The following MTREX variants were observed in gnomAD, a reference collection of about 807,000 sequenced individuals.
The protein encoded by MTREX is exosome RNA helicase MTR4.
A neutral mutation model predicts 135.4 loss-of-function variants in MTREX; 76 were observed. The observed-to-expected ratio is 0.56, with a 90% CI of 0.47 to 0.68. The LOEUF (loss-of-function observed/expected upper bound fraction) is 0.68. MTREX is among the 30% of genes least tolerant of loss of function. The probability of loss-of-function intolerance (pLI) is 0.00; values close to 1 mark genes in which losing one functional copy is unlikely to be tolerated. For synonymous variants in MTREX, 404 were observed against 401.6 expected, an observed-to-expected ratio of 1.01 and a Z score of -0.07; for missense variants, 920 against 1,262.1, an observed-to-expected ratio of 0.73 and a Z score of 4.11.
rs1750959539 is a variant in MTREX, at chr5:55,415,953, C to T, written c.2809-17C>T. On this transcript the variant is annotated splice_polypyrimidine_tract_variant and intron_variant, in intron 24 of 26. Transcript: ENST00000230640. ...GGAGATCATAAGTAAGGAATTTTAA[C>T]TCTTTTATCTTTAAAGGAATGTGCT... is the stretch of plus-strand genomic sequence containing the variant. 1 of 1,553,226 alleles carries T rather than the reference C, an allele frequency of 6.4e-7. No individual in the cohort carries two copies. Among genetic ancestry groups the T allele is most frequent in the Non-Finnish European group, 8.7e-7 (1 of 1,152,172 alleles).
chr5:55,409,369 G>A (rs1305710855), intron 22 of MTREX, among the ~76,000 whole-genome samples: 2 of 152,082 alleles, frequency 1.3e-5, no homozygotes, highest in African/African-American at 4.8e-5. Flanking sequence ...AAAAGGACTT[G>A]TAATAATAGT....
At chr5:55,382,560 T>C (rs967409403) in intron 18 of MTREX, among the ~76,000 whole-genome samples, 3 of 152,222 alleles carry the variant, frequency 2.0e-5, no homozygotes, top group Non-Finnish European at 4.4e-5. Flanking sequence ...TTATGATTAA[T>C]ACTTTATGTA....
At chr5:55,327,610 A>T in intron 3 of MTREX, 106 bp from the exon 4 acceptor site, 1 of 826,522 alleles carries the variant, frequency 1.2e-6, no homozygotes, top group South Asian at 1.5e-5. Context: ...TCATCACTCT[A>T]GTTCATCAGT....
chr5:55,330,887 GTTTA>G (rs1477571488), intron 5 of MTREX, among the ~76,000 whole-genome samples: 1 of 151,618 alleles, frequency 6.6e-6, no homozygotes, highest in Non-Finnish European at 1.5e-5. Flanking sequence ...TATTTTTGGT[GTTTA>G]TTCTGTTTCA....
At chr5:55,341,345 G>A (rs1285850445) in intron 6 of MTREX, among the ~76,000 whole-genome samples, 2 of 152,164 alleles carry the variant, frequency 1.3e-5, no homozygotes, top group Non-Finnish European at 2.9e-5. Flanking sequence ...GGACGGTGCT[G>A]TGTATAGAAG....
chr5:55,397,451 C>T lies in MTREX; in HGVS notation c.2217C>T (p.Ile739=), dbSNP rs1228390204. The change falls in exon 20 of 27, where the codon ATC becomes ATT. Residue 739 remains isoleucine (I), a synonymous_variant. Transcript: ENST00000230640. ...TTTTGGTGCATCTCCTGTCTGCTAT[C>T]AGCAGTGTTAGGCTTTACATTCCTA... is the stretch of plus-strand genomic sequence containing the variant. The part of the protein sequence containing the change: ...VPVLVHLLSA[I]SSVRLYIPKD... 1 of 1,609,656 alleles carries T rather than the reference C, an allele frequency of 6.2e-7. No individual in the cohort carries two copies. The highest frequency in any genetic ancestry group is 8.5e-7 in the Non-Finnish European group (1 of 1,176,914).
chr5:55,397,555 A>T (rs1750664704), intron 20 of MTREX, 29 bp downstream of exon 20: 2 of 1,378,744 alleles, frequency 1.5e-6, no homozygotes, highest in Non-Finnish European at 2.0e-6. Flanking sequence ...AGTTAAGTAT[A>T]AATTTTATGT....
chr5:55,409,912 G>T (rs762071114), intron 22 of MTREX, among the ~76,000 whole-genome samples: 1 of 152,088 alleles, frequency 6.6e-6, no homozygotes, highest in Non-Finnish European at 1.5e-5. Context: ...TGGAAAATAT[G>T]AATTAAAATG....
chr5:55,340,074 C>T lies in MTREX; in HGVS notation c.580C>T (p.Leu194=), dbSNP rs1313036346. ...AATATTTACCAGCCCAATTAAGGCT[C>T]TGAGTAACCAAAAATACCGTGAAAT... is the stretch of plus-strand genomic sequence containing the variant. ...RVIFTSPIKA[L]SNQKYREMYE... Residue 194 remains leucine (L), a synonymous_variant, in exon 6 of 27, where the codon CTG becomes TTG. Transcript: ENST00000230640. 6.2e-7 allele frequency: 1 copy of T among 1,601,734 alleles called. No homozygotes were observed. The highest frequency in any genetic ancestry group is 1.7e-5 in the Admixed American group (1 of 58,280).
intron 5 of MTREX, among the ~76,000 whole-genome samples, chr5:55,330,609 T>G (rs528709123): frequency 1.3e-5 from 2 of 152,112 alleles, no homozygotes; most frequent in East Asian, 3.9e-4. Flanking sequence ...CTTTCCTGCT[T>G]CTTTGATTTT....
intron 16 of MTREX, among the ~76,000 whole-genome samples, chr5:55,373,125 T>C (rs529008383): frequency 6.6e-6 from 1 of 150,972 alleles, no homozygotes; most frequent in African/African-American, 2.4e-5. Flanking sequence ...TATTTCTTTT[T>C]TTTTTTGGTC....
chr5:55,343,310 G>GA (rs1749680518), intron 7 of MTREX, 21 bp from the exon 8 acceptor site: 1 of 1,595,934 alleles, frequency 6.3e-7, no homozygotes, highest in Non-Finnish European at 8.5e-7. Context: ...ATAGTCCAAA[G>GA]TATATATTTA....
At chr5:55,338,065 A>G (rs72751778) in intron 5 of MTREX, among the ~76,000 whole-genome samples, 9,317 of 152,256 alleles carry the variant, frequency 0.061, 368 homozygotes, top group Middle Eastern at 0.099. Flanking sequence ...ATAATACAGT[A>G]TCTGTAATAC....
intron 1 of MTREX, among the ~76,000 whole-genome samples, chr5:55,313,899 G>T (rs1297662830): frequency 6.6e-6 from 1 of 151,532 alleles, no homozygotes; most frequent in Non-Finnish European, 1.5e-5. Flanking sequence ...CTCACTTCTT[G>T]TGCAAAAGGT....
Position 55,308,129 on chromosome 5 carries a change from G to A in MTREX, c.116G>A (p.Gly39Glu). ...KDKGKWKGPP[G>E]SADKAGKRFD... ...AAGGGGAAATGGAAGGGGCCTCCAG[G>A]GTCTGCAGACAAGGCAGGGTAAGGA... Residue 39 changes from glycine to glutamate, a missense_variant, in exon 1 of 27, where the codon GGG becomes GAG. Transcript: ENST00000230640. 6.2e-7 allele frequency: 1 copy of A among 1,608,812 alleles called. No individual in the cohort carries two copies. Among genetic ancestry groups the A allele is most frequent in the Non-Finnish European group, 8.5e-7 (1 of 1,177,656 alleles).
chr5:55,372,692 C>T (rs750649630), intron 16 of MTREX, among the ~76,000 whole-genome samples: 3 of 152,118 alleles, frequency 2.0e-5, no homozygotes, highest in East Asian at 1.9e-4. Context: ...TTGCAACATG[C>T]GTAATAAAGT....
intron 18 of MTREX, among the ~76,000 whole-genome samples, chr5:55,384,034 G>C: frequency 6.6e-6 from 1 of 152,182 alleles, no homozygotes; most frequent in South Asian, 2.1e-4. Flanking sequence ...GTCTCTCAAA[G>C]TCCTGGGATT....
At chr5:55,375,431 C>A (rs1409297195) in intron 16 of MTREX, among the ~76,000 whole-genome samples, 1 of 152,150 alleles carries the variant, frequency 6.6e-6, no homozygotes, top group Non-Finnish European at 1.5e-5. Context: ...AAAAGGAATT[C>A]ATCGATATTT....
At chr5:55,317,739 A>C (rs763685370) in intron 1 of MTREX, among the ~76,000 whole-genome samples, 1 of 152,344 alleles carries the variant, frequency 6.6e-6, no homozygotes, top group South Asian at 2.1e-4. Flanking sequence ...TGACAAGGAC[A>C]CCGAAAGCCA....
Sources: allele counts gnomAD v4.1 joint callset (sites outside exome capture counted in the v4.1 genomes callset), GRCh38; gene constraint gnomAD v4.1.1; transcripts MANE v1.5; gene names NCBI Gene and HGNC (gene_info 2026-07-23, HGNC 2026-07-21).